Variants in SDK1 observed in about 807,000 individuals in gnomAD.
SDK1 encodes sidekick cell adhesion molecule 1, also known as protein sidekick-1.
SDK1 carries 157 observed loss-of-function variants against 245.5 expected under a neutral mutation model. The observed-to-expected ratio is 0.64, with a 90% CI of 0.56 to 0.73. SDK1 has a LOEUF of 0.73. SDK1 is among the 30% of genes least tolerant of loss of function. The probability of loss-of-function intolerance (pLI) is 0.00; values close to 1 mark genes in which losing one functional copy is unlikely to be tolerated. For synonymous variants in SDK1, 1,647 were observed against 1,278.5 expected (o/e 1.29, Z -6.15); for missense variants, 3,583 against 3,002.3 (o/e 1.19, Z -4.52).
intron 20 of SDK1, among the ~76,000 whole-genome samples, chr7:4,070,042 C>T (rs887240715): frequency 2.0e-5 from 3 of 152,206 alleles, no homozygotes; most frequent in Non-Finnish European, 4.4e-5. Context: ...TCTCAAAGCA[C>T]CCTGAGGCCA....
At chr7:3,817,321 A>T (rs1583444850) in intron 4 of SDK1, among the ~76,000 whole-genome samples, 1 of 152,180 alleles carries the variant, frequency 6.6e-6, no homozygotes, top group East Asian at 1.9e-4. Context: ...ACAGCTTGTA[A>T]GTACACCCAA....
At chr7:4,178,667 C>T (rs933416171) in intron 35 of SDK1, 81 bp downstream of exon 35, 2 of 962,470 alleles carry the variant, frequency 2.1e-6, no homozygotes, top group Non-Finnish European at 3.3e-6. Flanking sequence ...GGCCAAGCCC[C>T]TCAGGTGTCC....
At chr7:3,833,924 T>G (rs1195238895) in intron 5 of SDK1, among the ~76,000 whole-genome samples, 1 of 152,186 alleles carries the variant, frequency 6.6e-6, no homozygotes, top group Non-Finnish European at 1.5e-5. Context: ...GGATGGATAT[T>G]AAGCCATGTT....
chr7:3,330,577 A>T (rs1780042189), intron 1 of SDK1, among the ~76,000 whole-genome samples: 1 of 152,102 alleles, frequency 6.6e-6, no homozygotes, highest in Admixed American at 6.6e-5. Context: ...GCGTCTTGCC[A>T]TGTCATGATA....
chr7:3,344,821 C>G (rs1011344087), intron 1 of SDK1, among the ~76,000 whole-genome samples: 2 of 152,120 alleles, frequency 1.3e-5, no homozygotes, highest in Non-Finnish European at 2.9e-5. Flanking sequence ...TTCAGCAGTC[C>G]TAAATTCAGA....
At chr7:3,337,352 T>A (rs1332009110) in intron 1 of SDK1, among the ~76,000 whole-genome samples, 2 of 150,846 alleles carry the variant, frequency 1.3e-5, no homozygotes, top group Non-Finnish European at 2.9e-5. Flanking sequence ...ATCTGCCCAA[T>A]GTGAAAAAAA....
chr7:3,993,377 C>A (rs909704779), intron 14 of SDK1, among the ~76,000 whole-genome samples: 9 of 152,098 alleles, frequency 5.9e-5, no homozygotes, highest in African/African-American at 2.2e-4. Flanking sequence ...AACCTTAACA[C>A]CTGCTGTTGT....
chr7:3,981,351 C>G (rs752337105), intron 13 of SDK1, among the ~76,000 whole-genome samples: 3 of 152,146 alleles, frequency 2.0e-5, no homozygotes, highest in Non-Finnish European at 4.4e-5. Context: ...CTCCTTGGGC[C>G]CCTGTATTCC....
intron 40 of SDK1, among the ~76,000 whole-genome samples, chr7:4,225,593 A>G (rs1490414092): frequency 2.0e-5 from 3 of 152,164 alleles, no homozygotes; most frequent in Admixed American, 1.3e-4. Context: ...CACGAAGGGA[A>G]CAGGACGCCT....
intron 2 of SDK1, among the ~76,000 whole-genome samples, chr7:3,623,588 A>C (rs1032917799): frequency 1.3e-5 from 2 of 152,148 alleles, no homozygotes; most frequent in African/African-American, 4.8e-5. Flanking sequence ...TTTTGGTGGC[A>C]CAGGTGACTA....
chr7:3,680,828 ATTAT>A (rs552614393), intron 4 of SDK1, among the ~76,000 whole-genome samples: 1 of 151,914 alleles, frequency 6.6e-6, no homozygotes, highest in East Asian at 1.9e-4. Flanking sequence ...TGTATTTCTT[ATTAT>A]TTATTTATTT....
At chr7:3,676,034 C>T (rs1227751876) in intron 4 of SDK1, among the ~76,000 whole-genome samples, 5 of 152,152 alleles carry the variant, frequency 3.3e-5, no homozygotes, top group Non-Finnish European at 7.4e-5. Flanking sequence ...GGCACTATCA[C>T]GGCTGACTGC....
intron 3 of SDK1, among the ~76,000 whole-genome samples, chr7:3,639,344 G>A (rs549567734): frequency 6.6e-6 from 1 of 152,306 alleles, no homozygotes; most frequent in African/African-American, 2.4e-5. Context: ...AGGACCCTAA[G>A]AGGCCCTGGG....
At chr7:3,484,877 CAT>C (rs1781634294) in intron 1 of SDK1, among the ~76,000 whole-genome samples, 2 of 152,272 alleles carry the variant, frequency 1.3e-5, no homozygotes, top group East Asian at 3.9e-4. Flanking sequence ...GGAAGCATAA[CAT>C]ATTTTGTTTG....
At position 4,266,104 on chromosome 7, in the gene SDK1, A is replaced by T; in HGVS notation, c.*720A>T. The T allele has an allele frequency of 3.0e-6, 3 of 985,342 alleles. No homozygotes were observed. The highest frequency in any genetic ancestry group is 3.6e-6 in the Non-Finnish European group (3 of 829,962). The allele number at this position is 985,342 out of a possible 1,614,324, so 61.0% of individuals were successfully genotyped here. ...TCCTTCTCACCTGACAGCGAGGGAGAGGGAAGCCTCTTAGGGCTGGAAGCC... is the reference window on the plus strand; with the variant it reads ...TCCTTCTCACCTGACAGCGAGGGAGTGGGAAGCCTCTTAGGGCTGGAAGCC... On this transcript the variant is annotated 3_prime_UTR_variant, in exon 45 of 45. Transcript: ENST00000404826.
At chr7:3,944,444 T>C (rs1023456634) in intron 5 of SDK1, among the ~76,000 whole-genome samples, 4 of 152,242 alleles carry the variant, frequency 2.6e-5, no homozygotes, top group African/African-American at 4.8e-5. Flanking sequence ...GTTTTGTTAA[T>C]GTAGGACGTT....
intron 32 of SDK1, among the ~76,000 whole-genome samples, chr7:4,173,723 C>A (rs1781995789): frequency 6.6e-6 from 1 of 152,170 alleles, no homozygotes; most frequent in African/African-American, 2.4e-5. Flanking sequence ...AGCCTGAGGA[C>A]TGAGTCCGGC....
intron 1 of SDK1, among the ~76,000 whole-genome samples, chr7:3,596,018 T>C (rs1168988462): frequency 6.6e-6 from 1 of 151,656 alleles, no homozygotes; most frequent in East Asian, 1.9e-4. Context: ...TTTCAGATAG[T>C]ATTTATTAAA....
intron 1 of SDK1, among the ~76,000 whole-genome samples, chr7:3,524,384 T>C (rs1783048397): frequency 6.6e-6 from 1 of 152,086 alleles, no homozygotes; most frequent in Admixed American, 6.5e-5. Flanking sequence ...GGAGATCAAT[T>C]AGGGGGCTGT....
Sources: allele counts gnomAD v4.1 joint callset (sites outside exome capture counted in the v4.1 genomes callset), GRCh38; gene constraint gnomAD v4.1.1; transcripts MANE v1.5; gene names NCBI Gene and HGNC (gene_info 2026-07-23, HGNC 2026-07-21).